Variants in RASSF4 observed in about 807,000 individuals in gnomAD.
RASSF4 encodes the protein Ras association domain family member 4.
In RASSF4, 38 loss-of-function variants were observed where a neutral mutation model predicts 41.1. The observed-to-expected ratio is 0.92, with a 90% CI of 0.71 to 1.21. The LOEUF (loss-of-function observed/expected upper bound fraction) is 1.21. Among genes scored for constraint, RASSF4 ranks in the 50% most tolerant of loss-of-function variants. The pLI is 0.00. For missense variants in RASSF4, 414 were observed against 419.4 expected, an observed-to-expected ratio of 0.99 and a Z score of 0.11; for synonymous variants, 179 against 163.4, an observed-to-expected ratio of 1.10 and a Z score of -0.73.
At chr10:44,962,049 C>T (rs930542421) in intron 1 of RASSF4, among the ~76,000 whole-genome samples, 2 of 152,172 alleles carry the variant, frequency 1.3e-5, no homozygotes, top group African/African-American at 4.8e-5. Flanking sequence ...CCCTGCCTGA[C>T]CTTGGGAAGC....
intron 1 of RASSF4, among the ~76,000 whole-genome samples, chr10:44,963,133 C>G (rs117737824): frequency 6.6e-6 from 1 of 152,064 alleles, no homozygotes; most frequent in Non-Finnish European, 1.5e-5. Flanking sequence ...CTGGACTCCC[C>G]TGGTCTCCAT....
chr10:44,979,875 G>A (rs1311913026), intron 3 of RASSF4, among the ~76,000 whole-genome samples: 1 of 152,062 alleles, frequency 6.6e-6, no homozygotes, highest in Non-Finnish European at 1.5e-5. Flanking sequence ...GCTGGGGCTG[G>A]GGCTGGGGGG....
intron 1 of RASSF4, among the ~76,000 whole-genome samples, chr10:44,966,354 G>A (rs192655468): frequency 3.3e-5 from 5 of 152,290 alleles, no homozygotes; most frequent in East Asian, 1.9e-4. Flanking sequence ...AAATCATGCC[G>A]TGTCGTGAAT....
rs1588813206 is a variant in RASSF4 at position 44,975,490 on chromosome 10, C to T, written c.138+3642C>T. On this transcript the variant is annotated intron_variant, in intron 3 of 10. Transcript: ENST00000340258. ...CCCACCCCCACCCCCACTTCCCTCTCCATTCCCTTCTCCAGTCCCCTCTCC... is the reference window on the plus strand; with the variant it reads ...CCCACCCCCACCCCCACTTCCCTCTTCATTCCCTTCTCCAGTCCCCTCTCC... Among the ~76,000 whole-genome samples the T allele has an allele frequency of 2.5e-5, 3 of 118,346 alleles. No individual in the cohort carries two copies. The South Asian group carries it at 1.1e-3, about 45-fold the overall frequency. The allele number at this position is 118,346 out of a possible 152,430, so 77.6% of individuals were successfully genotyped here. A position where few individuals can be genotyped will look rare whatever the true frequency, so the allele number is the denominator to read the frequency against.
chr10:44,982,381 G>A (rs41301597), intron 3 of RASSF4, 140 bp from the exon 4 acceptor site: 23,444 of 1,032,666 alleles, frequency 0.023, 367 homozygotes, highest in Non-Finnish European at 0.026. Flanking sequence ...CGTAGTGGCT[G>A]ATGGTCCTTC....
At chr10:44,967,084 T>C (rs1840928430) in intron 1 of RASSF4, among the ~76,000 whole-genome samples, 2 of 152,234 alleles carry the variant, frequency 1.3e-5, no homozygotes, top group East Asian at 1.9e-4. Context: ...CAGTAACAAA[T>C]CCCTGATACA....
At chr10:44,992,623 T>G (rs1032075765) in intron 10 of RASSF4, among the ~76,000 whole-genome samples, 2 of 151,922 alleles carry the variant, frequency 1.3e-5, no homozygotes, top group East Asian at 3.9e-4. Flanking sequence ...CCAGGACTTG[T>G]GGAGGGCACC....
At chr10:44,969,108 T>TTTTTTGTG (rs759153556) in intron 1 of RASSF4, among the ~76,000 whole-genome samples, 4 of 149,628 alleles carry the variant, frequency 2.7e-5, no homozygotes, top group South Asian at 2.1e-4. Flanking sequence ...GCGTGTGTTT[T>TTTTTTGTG]TGTGTGTGTG....
At chr10:44,964,776 G>A (rs750136753) in intron 1 of RASSF4, among the ~76,000 whole-genome samples, 10 of 152,210 alleles carry the variant, frequency 6.6e-5, no homozygotes, top group African/African-American at 1.7e-4. Context: ...TTGGGTGTGC[G>A]TGTTCCCCCT....
intron 3 of RASSF4, among the ~76,000 whole-genome samples, chr10:44,980,134 C>T (rs905470694): frequency 6.6e-6 from 1 of 152,060 alleles, no homozygotes; most frequent in African/African-American, 2.4e-5. Flanking sequence ...TGGGCAGACC[C>T]CAGACTCCCT....
Position 44,962,752 on chromosome 10 carries a change from T to C in RASSF4, c.-39+2886T>C, listed in dbSNP as rs181723099. Among the ~76,000 whole-genome samples the C allele has an allele frequency of 1.6e-3, 238 of 152,298 alleles. 2 individuals carry two copies. Among genetic ancestry groups the C allele is most frequent in the African/African-American group, 5.3e-3 (219 of 41,560 alleles). The stretch of plus-strand genomic sequence containing the variant: ...CTCTTCCATAGGCTAGAGGTGAGCC[T>C]GGTTGGTGGGGAAGTTGAGGAGTGG... On this transcript the variant is annotated intron_variant, in intron 1 of 10. Transcript: ENST00000340258.
chr10:44,988,455 C>T (rs958628074), intron 6 of RASSF4, among the ~76,000 whole-genome samples: 2 of 151,846 alleles, frequency 1.3e-5, no homozygotes, highest in Non-Finnish European at 2.9e-5. Context: ...TATAATGTGT[C>T]CCCCCACCCC....
At position 44,990,949 on chromosome 10, in the gene RASSF4, G is replaced by A. The variant is rs1008538239; in HGVS notation, c.687G>A (p.Glu229=). Residue 229 remains glutamate, a splice_region_variant and synonymous_variant, in exon 9 of 11, where the codon GAG becomes GAA. Coordinates refer to ENST00000340258, the MANE Select transcript of RASSF4 (RefSeq NM_032023.4). ...FALYIVHESG[E]RTKLKDCEYP... is the part of the protein sequence containing the mutation. The stretch of plus-strand genomic sequence containing the variant: ...TTTGTAAACCACCTTCTTTTTCAGA[G>A]CGGACAAAATTAAAAGACTGCGAGT... 1.2e-6 allele frequency: 2 copies of A among 1,610,990 alleles called. No individual in the cohort carries two copies. Among genetic ancestry groups the A allele is most frequent in the Admixed American group, 3.3e-5 (2 of 59,912 alleles).
intron 6 of RASSF4, among the ~76,000 whole-genome samples, chr10:44,987,653 C>T (rs1176839792): frequency 7.0e-6 from 1 of 142,466 alleles, no homozygotes; most frequent in Admixed American, 7.1e-5. Flanking sequence ...GCTGCACCTG[C>T]GGTTTCTGCA....
intron 1 of RASSF4, among the ~76,000 whole-genome samples, chr10:44,960,594 C>T (rs1840673557): frequency 6.6e-6 from 1 of 152,226 alleles, no homozygotes; most frequent in Admixed American, 6.5e-5. Flanking sequence ...AAACATGCCT[C>T]AGTGTTTTCA....
intron 6 of RASSF4, among the ~76,000 whole-genome samples, chr10:44,985,771 T>C (rs1841900278): frequency 6.6e-6 from 1 of 152,186 alleles, no homozygotes; most frequent in Non-Finnish European, 1.5e-5. Context: ...CTTTGGAATG[T>C]CTACTTTGGA....
chr10:44,980,927 A>G (rs1841682899), intron 3 of RASSF4: 1 of 152,222 alleles, frequency 6.6e-6, no homozygotes, highest in Non-Finnish European at 1.5e-5. Context: ...GTAGAGCACC[A>G]GTGAGTATCA....
rs145337574 is a variant in RASSF4, at chr10:44,962,164, C to T, written c.-39+2298C>T. 2.8e-3 allele frequency among the ~76,000 whole-genome samples: 426 copies of T among 152,320 alleles called. 3 individuals are homozygous for T. Among genetic ancestry groups the T allele is most frequent in the African/African-American group, 9.3e-3 (385 of 41,572 alleles). On this transcript the variant is annotated intron_variant, in intron 1 of 10. Coordinates refer to ENST00000340258, the MANE Select transcript of RASSF4 (RefSeq NM_032023.4). ...TCTGGCTAAACTGATGCCCAAGAGACGGCGCAACACGCTAGGATCACAGGC... is the reference window on the plus strand; with the variant it reads ...TCTGGCTAAACTGATGCCCAAGAGATGGCGCAACACGCTAGGATCACAGGC...
In RASSF4 at chr10:44,994,799, C is replaced by T. The variant is rs1465370901; in HGVS notation, c.*1470C>T. The T allele has an allele frequency of 1.3e-5, 2 of 151,288 alleles. No individual in the cohort carries two copies. Among genetic ancestry groups the T allele is most frequent in the East Asian group, 3.9e-4 (2 of 5,168 alleles). The allele number at this position is 151,288 out of a possible 1,614,324, so 9.4% of individuals were successfully genotyped here. ...GGCTCTAACTTCTGAAACTCTTATC[C>T]TAAAGGATGTGTGGCCATGTTTGGC... On this transcript the variant is annotated 3_prime_UTR_variant, in exon 11 of 11. Transcript: ENST00000340258.
Sources: gnomAD v4.1 joint callset for allele counts (sites outside exome capture counted in the v4.1 genomes callset) on GRCh38, gnomAD v4.1.1 for gene constraint, MANE v1.5 for transcripts, NCBI Gene and HGNC (gene_info 2026-07-23, HGNC 2026-07-21) for gene names.